WASHC5: variants seen among roughly 807,000 people sequenced by gnomAD.
WASHC5 encodes the protein WASH complex subunit strumpellin.
In WASHC5, 101 loss-of-function variants were observed where a neutral mutation model predicts 150.4. That is an observed-to-expected ratio of 0.67 (90% CI 0.57 to 0.79). The LOEUF (loss-of-function observed/expected upper bound fraction) is 0.79. Among genes scored for constraint, WASHC5 ranks in the 30% least tolerant of loss-of-function variants. The pLI, the probability that WASHC5 is intolerant of heterozygous loss-of-function variation, is 0.00. For synonymous variants in WASHC5, 467 were observed against 491.2 expected, an observed-to-expected ratio of 0.95 and a Z score of 0.65; for missense variants, 1,195 against 1,396.3, an observed-to-expected ratio of 0.86 and a Z score of 2.30.
At chr8:125,090,117 G>A (rs75622842) in intron 1 of WASHC5, among the ~76,000 whole-genome samples, 4,452 of 152,274 alleles carry the variant, frequency 0.029, 126 homozygotes, top group South Asian at 0.14. Flanking sequence ...CTGAAAGAAG[G>A]AAATCACTTA....
chr8:125,084,504 A>G (rs1429967909), intron 1 of WASHC5, among the ~76,000 whole-genome samples: 1 of 152,210 alleles, frequency 6.6e-6, no homozygotes, highest in African/African-American at 2.4e-5. Flanking sequence ...AAAATTACAG[A>G]TGCTAGGTTC....
chr8:125,082,537 A>T (rs1258066612), intron 3 of WASHC5, 70 bp from the exon 4 acceptor site: 2 of 953,198 alleles, frequency 2.1e-6, no homozygotes, highest in South Asian at 2.7e-5. Context: ...AGAAGGAAAG[A>T]TTTTTAAAAG....
At chr8:125,042,365 G>C (rs1292878190) in intron 23 of WASHC5, among the ~76,000 whole-genome samples, 2 of 152,150 alleles carry the variant, frequency 1.3e-5, no homozygotes, top group African/African-American at 4.8e-5. Context: ...TAGCTACACA[G>C]GGCTAGGAGC....
rs1815574099 is a variant in WASHC5 at position 125,032,601 on chromosome 8, T to C, written c.3182-207A>G. The C allele has an allele frequency of 6.7e-6, 4 of 599,024 alleles. No homozygotes were observed. In the Admixed American group the frequency reaches 8.4e-5, roughly 13 times the overall value. The allele number at this position is 599,024 out of a possible 1,614,324, so 37.1% of individuals were successfully genotyped here. A position where few individuals can be genotyped will look rare whatever the true frequency, so the allele number is the denominator to read the frequency against. Reference sequence around the variant, plus strand: ...AGGGGTCTGAAGGATTCAAAACCAATAAAACGGTTACTAAATTTTGTAATT... The same window carrying C: ...AGGGGTCTGAAGGATTCAAAACCAACAAAACGGTTACTAAATTTTGTAATT... On this transcript the variant is annotated intron_variant, in intron 26 of 28. Coordinates refer to ENST00000318410, the MANE Select transcript of WASHC5 (RefSeq NM_014846.4).
intron 26 of WASHC5, among the ~76,000 whole-genome samples, chr8:125,032,870 G>A (rs1815582278): frequency 6.7e-6 from 1 of 150,172 alleles, no homozygotes; most frequent in African/African-American, 2.5e-5. Flanking sequence ...TCAAGAGAGT[G>A]GAAGAAGGAT....
chr8:125,024,370 G>T lies in WASHC5; in HGVS notation c.*247C>A. Reference sequence around the variant, plus strand: ...TAACAGTTACATTCAGCATTTAAGAGAGGCAGTACAAAAATGTGTTCTGCT... The same window carrying T: ...TAACAGTTACATTCAGCATTTAAGATAGGCAGTACAAAAATGTGTTCTGCT... On this transcript the variant is annotated 3_prime_UTR_variant, in exon 29 of 29. Coordinates refer to ENST00000318410, the MANE Select transcript of WASHC5 (RefSeq NM_014846.4). The T allele has an allele frequency of 1.8e-6, 1 of 559,794 alleles. No individual in the cohort carries two copies. The highest frequency in any genetic ancestry group is 3.2e-6 in the Non-Finnish European group (1 of 308,622). The allele number at this position is 559,794 out of a possible 1,614,324, so 34.7% of individuals were successfully genotyped here. A position where few individuals can be genotyped will look rare whatever the true frequency, so the allele number is the denominator to read the frequency against.
chr8:125,071,082 T>G (rs561685319), intron 9 of WASHC5, among the ~76,000 whole-genome samples: 1 of 152,178 alleles, frequency 6.6e-6, no homozygotes, highest in African/African-American at 2.4e-5. Context: ...AACAAAGAAG[T>G]GCTGCACACA....
Position 125,073,402 on chromosome 8 carries a change from G to T in WASHC5, c.979-78C>A. On this transcript the variant is annotated intron_variant, in intron 8 of 28. Coordinates refer to ENST00000318410, the MANE Select transcript of WASHC5 (RefSeq NM_014846.4). ...TAAATCACATTCAAATGAATTCACTGACAAATAGTAACATTTCTATATAGG... is the reference window on the plus strand; with the variant it reads ...TAAATCACATTCAAATGAATTCACTTACAAATAGTAACATTTCTATATAGG... 3 of 1,193,374 alleles carry T rather than the reference G, an allele frequency of 2.5e-6. No individual in the cohort carries two copies. The South Asian group carries it at 3.8e-5, about 15-fold the overall frequency. 73.9% of individuals were successfully genotyped at this position (1,193,374 alleles called of 1,614,324 possible).
chr8:125,031,548 G>C (rs947009521), intron 27 of WASHC5, among the ~76,000 whole-genome samples: 5 of 152,110 alleles, frequency 3.3e-5, no homozygotes, highest in Non-Finnish European at 2.9e-5. Flanking sequence ...TTACAGGCTT[G>C]AGCCACTGTG....
chr8:125,050,415 G>C (rs1175884346), intron 18 of WASHC5, 149 bp downstream of exon 18: 3 of 500,330 alleles, frequency 6.0e-6, no homozygotes, highest in Non-Finnish European at 1.1e-5. Flanking sequence ...AGATCAAAAA[G>C]CACATCAGTT....
intron 20 of WASHC5, 76 bp downstream of exon 20, chr8:125,047,131 G>C (rs1816091584): frequency 6.5e-7 from 1 of 1,545,916 alleles, no homozygotes; most frequent in Admixed American, 1.7e-5. Flanking sequence ...TGGAATAGGG[G>C]CTGTGCCACA....
chr8:125,047,355 T>C (rs762851171), intron 19 of WASHC5, 24 bp from the exon 20 acceptor site: 12 of 1,609,370 alleles, frequency 7.5e-6, no homozygotes, highest in Non-Finnish European at 7.7e-6. Context: ...CCATCAATAT[T>C]TAGTAAACCT....
Position 125,052,957 on chromosome 8 carries a change from T to C in WASHC5, c.2098-2292A>G, listed in dbSNP as rs75657883. Among the ~76,000 whole-genome samples, 1,094 of 152,318 alleles carry C rather than the reference T, an allele frequency of 7.2e-3. 37 individuals carry two copies. The highest frequency in any genetic ancestry group is 0.058 in the East Asian group (302 of 5,192). On this transcript the variant is annotated intron_variant, in intron 17 of 28. Transcript: ENST00000318410. ...TCAGAACACTTACATTAGCCTACAG[T>C]TGGGCAATATCATCCAACACAAAGC...
intron 27 of WASHC5, among the ~76,000 whole-genome samples, chr8:125,029,403 C>A (rs1815463802): frequency 6.6e-6 from 1 of 152,174 alleles, no homozygotes; most frequent in South Asian, 2.1e-4. Flanking sequence ...CCTGTGGAAT[C>A]CTCCCTGATT....
chr8:125,087,654 G>A (rs962922870), intron 1 of WASHC5, among the ~76,000 whole-genome samples: 2 of 150,640 alleles, frequency 1.3e-5, no homozygotes, highest in Non-Finnish European at 3.0e-5. Context: ...GATTGCTTGA[G>A]CCCTGGAGGT....
rs532132934 is a variant in WASHC5, at chr8:125,067,838, A to G, written c.1151-119T>C. The G allele has an allele frequency of 3.8e-5, 39 of 1,039,934 alleles. 2 individuals are homozygous for G. In the South Asian group the frequency reaches 3.8e-4, roughly 10 times the overall value. The allele number at this position is 1,039,934 out of a possible 1,614,324, so 64.4% of individuals were successfully genotyped here. ...ATTTAAAAAGTAATAAGCAAAATGTATATCAATAAAAGATGGTGAAATATA... is the reference window on the plus strand; with the variant it reads ...ATTTAAAAAGTAATAAGCAAAATGTGTATCAATAAAAGATGGTGAAATATA... On this transcript the variant is annotated intron_variant, in intron 9 of 28. Coordinates refer to ENST00000318410, the MANE Select transcript of WASHC5 (RefSeq NM_014846.4).
chr8:125,082,907 C>T (rs969149031), intron 3 of WASHC5: 3 of 469,254 alleles, frequency 6.4e-6, no homozygotes, highest in South Asian at 3.2e-5. Context: ...AAGTTTATTA[C>T]AACACCTCAT....
At chr8:125,028,034 C>G (rs1201152161) in intron 28 of WASHC5, among the ~76,000 whole-genome samples, 1 of 152,128 alleles carries the variant, frequency 6.6e-6, no homozygotes, top group Non-Finnish European at 1.5e-5. Flanking sequence ...TCTTTGATTC[C>G]TAACCTACTA....
At chr8:125,090,035 G>A (rs1166005466) in intron 1 of WASHC5, among the ~76,000 whole-genome samples, 2 of 152,150 alleles carry the variant, frequency 1.3e-5, no homozygotes, top group Admixed American at 6.5e-5. Context: ...GGGCACTTGT[G>A]TTTTCTATTT....
Sources: gnomAD v4.1 joint callset for allele counts (sites outside exome capture counted in the v4.1 genomes callset) on GRCh38, gnomAD v4.1.1 for gene constraint, MANE v1.5 for transcripts, NCBI Gene and HGNC (gene_info 2026-07-23, HGNC 2026-07-21) for gene names.